MCTP2: variants seen among roughly 807,000 people sequenced by gnomAD.
MCTP2 encodes the protein multiple C2 and transmembrane domain-containing protein 2.
In MCTP2, 132 loss-of-function variants were observed where a neutral mutation model predicts 111.6. That is an observed-to-expected ratio of 1.18 (90% confidence interval 1.03 to 1.37). The LOEUF (loss-of-function observed/expected upper bound fraction) is 1.37. Ranked by LOEUF, MCTP2 falls within the 40% of genes most tolerant of loss-of-function variation. The pLI is 0.00. For synonymous variants in MCTP2, 395 were observed against 387.7 expected (o/e 1.02, Z -0.22); for missense variants, 1,183 against 1,067.9 (o/e 1.11, Z -1.50).
At chr15:94,270,917 TGTTCA>T in intron 1 of MCTP2, among the ~76,000 whole-genome samples, 1 of 152,348 alleles carries the variant, frequency 6.6e-6, no homozygotes, top group East Asian at 1.9e-4. Flanking sequence ...TACTCTGCCT[TGTTCA>T]CTGATATATC....
intron 1 of MCTP2, among the ~76,000 whole-genome samples, chr15:94,259,079 G>T (rs1202063002): frequency 1.3e-5 from 2 of 152,104 alleles, no homozygotes; most frequent in Non-Finnish European, 2.9e-5. Context: ...ACACTCTGTG[G>T]CTATGCTGGA....
chr15:94,423,264 C>G (rs958639070), intron 17 of MCTP2, among the ~76,000 whole-genome samples: 1 of 152,158 alleles, frequency 6.6e-6, no homozygotes. Flanking sequence ...ATTTAATCCT[C>G]TCAAGAGCCC....
At position 94,273,703 on chromosome 15, in the gene MCTP2, A is replaced by G. The variant is rs2074034995; in HGVS notation, c.-65-24498A>G. On this transcript the variant is annotated intron_variant, in intron 1 of 22. Coordinates refer to ENST00000357742, the MANE Select transcript of MCTP2 (RefSeq NM_001385001.1). ...TACAGAGGTTAACAAATTGGCAAGT[A>G]GTCAAGTTGTACAGAAAGAAAGTCA... 3 of 175,728 alleles carry G rather than the reference A, an allele frequency of 1.7e-5. No individual in the cohort carries two copies. In the Admixed American group the frequency reaches 1.8e-4, roughly 11 times the overall value. 10.9% of individuals were successfully genotyped at this position (175,728 alleles called of 1,614,324 possible).
At chr15:94,327,490 T>A (rs958811448) in intron 4 of MCTP2, among the ~76,000 whole-genome samples, 3 of 152,230 alleles carry the variant, frequency 2.0e-5, no homozygotes, top group African/African-American at 7.2e-5. Flanking sequence ...AATTCAGTCC[T>A]TTTTATTTTG....
At chr15:94,355,063 A>T (rs1361062413) in intron 8 of MCTP2, among the ~76,000 whole-genome samples, 1 of 152,230 alleles carries the variant, frequency 6.6e-6, no homozygotes, top group African/African-American at 2.4e-5. Flanking sequence ...TGCTAACTAA[A>T]TGCAGCGTGT....
At chr15:94,307,334 C>G (rs1371671803) in intron 2 of MCTP2, among the ~76,000 whole-genome samples, 1 of 152,076 alleles carries the variant, frequency 6.6e-6, no homozygotes, top group Non-Finnish European at 1.5e-5. Flanking sequence ...AGAAGATAAC[C>G]TTCACACAAA....
chr15:94,282,343 A>T (rs1450631503), intron 1 of MCTP2, among the ~76,000 whole-genome samples: 1 of 152,112 alleles, frequency 6.6e-6, no homozygotes, highest in Non-Finnish European at 1.5e-5. Flanking sequence ...TCTGTTAGTA[A>T]TGCTTCCAAT....
rs2074758158 is a variant in MCTP2 at position 94,482,128 on chromosome 15, T to C, written c.*3094T>C. ...TTAACAAGTCTATATTGAATGCCGATAATTTTCTGGAACAAAACAGACTAC... is the reference window on the plus strand; with the variant it reads ...TTAACAAGTCTATATTGAATGCCGACAATTTTCTGGAACAAAACAGACTAC... On this transcript the variant is annotated 3_prime_UTR_variant, in exon 23 of 23. Transcript: ENST00000357742. 1 of 152,210 alleles carries C rather than the reference T, an allele frequency of 6.6e-6. No homozygotes were observed. Among genetic ancestry groups the C allele is most frequent in the Admixed American group, 6.5e-5 (1 of 15,282 alleles). 9.4% of individuals were successfully genotyped at this position (152,210 alleles called of 1,614,324 possible). A position where few individuals can be genotyped will look rare whatever the true frequency, so the allele number is the denominator to read the frequency against.
At chr15:94,403,211 T>A (rs1237920244) in intron 17 of MCTP2, 3 of 985,338 alleles carry the variant, frequency 3.0e-6, no homozygotes, top group Non-Finnish European at 3.6e-6. Context: ...CTGTCTGAAG[T>A]TGCTAAAACA....
At chr15:94,334,973 G>A (rs1005390892) in intron 4 of MCTP2, among the ~76,000 whole-genome samples, 7 of 152,098 alleles carry the variant, frequency 4.6e-5, no homozygotes, top group Admixed American at 2.6e-4. Flanking sequence ...TTTCCCATCC[G>A]TGGAGTGCCC....
intron 17 of MCTP2, among the ~76,000 whole-genome samples, chr15:94,417,769 G>T (rs1033804505): frequency 4.6e-5 from 7 of 152,082 alleles, no homozygotes; most frequent in Non-Finnish European, 1.0e-4. Context: ...AGTAACGGGA[G>T]ACCATCCAAG....
At chr15:94,252,248 G>A (rs998054109) in intron 1 of MCTP2, among the ~76,000 whole-genome samples, 1 of 152,152 alleles carries the variant, frequency 6.6e-6, no homozygotes, top group African/African-American at 2.4e-5. Context: ...GCACACTAGG[G>A]TTCCAATCTC....
chr15:94,337,430 AG>A (rs1301865061), intron 4 of MCTP2, among the ~76,000 whole-genome samples: 1 of 152,158 alleles, frequency 6.6e-6, no homozygotes, highest in African/African-American at 2.4e-5. Context: ...ACAAGCATGA[AG>A]GCCTGATCCC....
chr15:94,365,890 C>G (rs1368842), intron 10 of MCTP2, among the ~76,000 whole-genome samples: 4 of 152,186 alleles, frequency 2.6e-5, no homozygotes, highest in African/African-American at 9.6e-5. Flanking sequence ...GCAGAGAAAA[C>G]TTCTACAAAT....
chr15:94,243,688 C>T (rs937583579), intron 1 of MCTP2, among the ~76,000 whole-genome samples: 4 of 143,640 alleles, frequency 2.8e-5, no homozygotes, highest in South Asian at 2.2e-4. Flanking sequence ...TATGTATACA[C>T]ATACATATGC....
intron 1 of MCTP2, among the ~76,000 whole-genome samples, chr15:94,268,085 C>T (rs1389714758): frequency 6.6e-6 from 1 of 151,162 alleles, no homozygotes; most frequent in Non-Finnish European, 1.5e-5. Context: ...CCAGGATGGT[C>T]TCAATCTCCT....
At chr15:94,266,532 C>T (rs771789824) in intron 1 of MCTP2, among the ~76,000 whole-genome samples, 3 of 152,154 alleles carry the variant, frequency 2.0e-5, no homozygotes, top group Non-Finnish European at 4.4e-5. Context: ...CATTTTCCTC[C>T]ATTTTAAAAA....
At position 94,457,330 on chromosome 15, in the gene MCTP2, T is replaced by C. The variant is rs571885405; in HGVS notation, c.2251-807T>C. Among the ~76,000 whole-genome samples, 4 of 152,338 alleles carry C rather than the reference T, an allele frequency of 2.6e-5. No homozygotes were observed. In the East Asian group the frequency reaches 5.8e-4, roughly 22 times the overall value. ...ACATTTGAGTGATTTCTAAGTAACC[T>C]GCATAACTGTTAGTTACCTGGCATG... is the stretch of plus-strand genomic sequence containing the variant. On this transcript the variant is annotated intron_variant, in intron 19 of 22. Transcript: ENST00000357742.
intron 1 of MCTP2, among the ~76,000 whole-genome samples, chr15:94,269,503 T>C (rs1031529259): frequency 1.3e-5 from 2 of 152,208 alleles, no homozygotes. Context: ...CTTATGAAGA[T>C]TATTGAAAAC....
Sources: gnomAD v4.1 joint callset for allele counts (sites outside exome capture counted in the v4.1 genomes callset) on GRCh38, gnomAD v4.1.1 for gene constraint, MANE v1.5 for transcripts, NCBI Gene and HGNC (gene_info 2026-07-23, HGNC 2026-07-21) for gene names.